The following UQCRFS1 variants were observed in gnomAD, a reference collection of about 807,000 sequenced individuals.
UQCRFS1 encodes the protein ubiquinol-cytochrome c reductase, Rieske iron-sulfur polypeptide 1, also known as cytochrome b-c1 complex subunit Rieske, mitochondrial.
UQCRFS1 carries 6 observed loss-of-function variants against 15.6 expected under a neutral mutation model. That is an observed-to-expected ratio of 0.38 (90% CI 0.21 to 0.76). The LOEUF is 0.76. Ranked by LOEUF, UQCRFS1 falls within the 30% of genes least tolerant of loss-of-function variation. UQCRFS1 has a pLI of 0.44. For synonymous variants in UQCRFS1, 105 were observed against 154.3 expected, an observed-to-expected ratio of 0.68 and a Z score of 2.37; for missense variants, 203 against 366.7, an observed-to-expected ratio of 0.55 and a Z score of 3.65.
rs752190748 is a variant in UQCRFS1, at chr19:29,207,199, G to A, written c.*349C>T. The stretch of plus-strand genomic sequence containing the variant: ...CCAACAATGACCGTGCAGAATCTGC[G>A]TCCCTGACGCAAAGCAGGAAGCAAA... On this transcript the variant is annotated 3_prime_UTR_variant, in exon 2 of 2. Transcript: ENST00000304863. The A allele has an allele frequency of 7.7e-5, 15 of 193,906 alleles. No individual in the cohort carries two copies. Among genetic ancestry groups the A allele is most frequent in the African/African-American group, 2.4e-4 (10 of 42,310 alleles). The allele number at this position is 193,906 out of a possible 1,614,324, so 12.0% of individuals were successfully genotyped here.
In UQCRFS1 at chr19:29,207,360, G is replaced by A; in HGVS notation, c.*188C>T. The A allele has an allele frequency of 1.3e-6, 1 of 759,976 alleles. No individual in the cohort carries two copies. The highest frequency in any genetic ancestry group is 2.1e-6 in the Non-Finnish European group (1 of 485,004). The allele number at this position is 759,976 out of a possible 1,614,324, so 47.1% of individuals were successfully genotyped here. A position where few individuals can be genotyped will look rare whatever the true frequency, so the allele number is the denominator to read the frequency against. On this transcript the variant is annotated 3_prime_UTR_variant, in exon 2 of 2. Transcript: ENST00000304863. Reference sequence around the variant, plus strand: ...ACTGAGCATAACAGTGCTTAACAGTGTCTTTATTAAGTGAATGCCTGAAAG... The same window carrying A: ...ACTGAGCATAACAGTGCTTAACAGTATCTTTATTAAGTGAATGCCTGAAAG...
chr19:29,212,562 T>C (rs1484244216), intron 1 of UQCRFS1, among the ~76,000 whole-genome samples: 1 of 152,138 alleles, frequency 6.6e-6, no homozygotes, highest in Admixed American at 6.5e-5. Flanking sequence ...CCCTACAAAA[T>C]TGATAAAGAT....
At chr19:29,211,708 G>A (rs1283676134) in intron 1 of UQCRFS1, among the ~76,000 whole-genome samples, 1 of 152,114 alleles carries the variant, frequency 6.6e-6, no homozygotes, top group Non-Finnish European at 1.5e-5. Context: ...TGAAAAGATG[G>A]GTAAGGAAAA....
At chr19:29,210,517 C>G (rs191871645) in intron 1 of UQCRFS1, among the ~76,000 whole-genome samples, 2 of 123,562 alleles carry the variant, frequency 1.6e-5, no homozygotes, top group African/African-American at 3.0e-5. Flanking sequence ...CCCCTCCCCC[C>G]ACCCCACAAC....
Position 29,213,145 on chromosome 19 carries a change from C to A in UQCRFS1, c.-27G>T. 6.6e-7 allele frequency: 1 copy of A among 1,519,182 alleles called. No individual in the cohort carries two copies. Among genetic ancestry groups the A allele is most frequent in the Non-Finnish European group, 8.8e-7 (1 of 1,139,028 alleles). 94.1% of individuals were successfully genotyped at this position (1,519,182 alleles called of 1,614,324 possible). On this transcript the variant is annotated 5_prime_UTR_variant, in exon 1 of 2. Transcript: ENST00000304863. ...GCGACAGCCGCTCCAACCGCCAAGC[C>A]GGTCACAGGGACGACCTTCCAACCA...
rs538815372 is a variant in UQCRFS1 at position 29,209,857 on chromosome 19, C to T, written c.215-1699G>A. Among the ~76,000 whole-genome samples the T allele has an allele frequency of 3.3e-5, 5 of 152,282 alleles. No homozygotes were observed. In the South Asian group the frequency reaches 1.0e-3, roughly 32 times the overall value. Reference sequence around the variant, plus strand: ...TGTACAAGAAAACTCAATAAAATGGCTTTGCCCTTCTCATTCAGAGATTTG... The same window carrying T: ...TGTACAAGAAAACTCAATAAAATGGTTTTGCCCTTCTCATTCAGAGATTTG... On this transcript the variant is annotated intron_variant, in intron 1 of 1. Transcript: ENST00000304863.
rs928336103 is a variant in UQCRFS1, at chr19:29,207,149, G to C, written c.*399C>G. On this transcript the variant is annotated 3_prime_UTR_variant, in exon 2 of 2. Transcript: ENST00000304863. ...TTTCTGTCAATGCCATAGACACTTAGATGACCCGTTAATTTTACTTCATCC... is the reference window on the plus strand; with the variant it reads ...TTTCTGTCAATGCCATAGACACTTACATGACCCGTTAATTTTACTTCATCC... The C allele has an allele frequency of 1.1e-5, 2 of 182,646 alleles. No homozygotes were observed. The highest frequency in any genetic ancestry group is 4.8e-5 in the African/African-American group (2 of 41,764). 11.3% of individuals were successfully genotyped at this position (182,646 alleles called of 1,614,324 possible). A position where few individuals can be genotyped will look rare whatever the true frequency, so the allele number is the denominator to read the frequency against.
rs751477940 is a variant in UQCRFS1 at position 29,213,146 on chromosome 19, G to A, written c.-28C>T. 7.9e-6 allele frequency: 12 copies of A among 1,517,998 alleles called. No homozygotes were observed. Among genetic ancestry groups the A allele is most frequent in the African/African-American group, 4.3e-5 (3 of 70,522 alleles). The allele number at this position is 1,517,998 out of a possible 1,614,324, so 94.0% of individuals were successfully genotyped here. On this transcript the variant is annotated 5_prime_UTR_variant, in exon 1 of 2. Transcript: ENST00000304863. ...CGACAGCCGCTCCAACCGCCAAGCCGGTCACAGGGACGACCTTCCAACCAC... is the reference window on the plus strand; with the variant it reads ...CGACAGCCGCTCCAACCGCCAAGCCAGTCACAGGGACGACCTTCCAACCAC...
At chr19:29,210,335 T>C (rs1301854263) in intron 1 of UQCRFS1, among the ~76,000 whole-genome samples, 8 of 147,944 alleles carry the variant, frequency 5.4e-5, no homozygotes, top group Admixed American at 4.1e-4. Context: ...TTTCTAAAAA[T>C]AGTTTCTCTA....
In UQCRFS1 at chr19:29,208,162, C is replaced by A. The variant is rs1976611784; in HGVS notation, c.215-4G>T. ...GAATAACAAACAGAAGCAGGGACTG[C>A]AAGACAAACAGAAGGTTAAAAAACA... On this transcript the variant is annotated splice_region_variant and splice_polypyrimidine_tract_variant and intron_variant, in intron 1 of 1. Coordinates refer to ENST00000304863, the MANE Select transcript of UQCRFS1 (RefSeq NM_006003.3). The A allele has an allele frequency of 1.2e-6, 2 of 1,601,112 alleles. No individual in the cohort carries two copies. Among genetic ancestry groups the A allele is most frequent in the Non-Finnish European group, 8.5e-7 (1 of 1,175,140 alleles).
chr19:29,212,966 G>A lies in UQCRFS1; in HGVS notation c.153C>T (p.Ser51=). The change falls in exon 1 of 2, where the codon AGC becomes AGT. Residue 51 remains serine (S), a synonymous_variant. Transcript: ENST00000304863. ...PVLDLKRPFL[S]RESLSGQAVR... ...CGGCCTGGCCGCTCAGCGACTCCCGGCTGAGGAAGGGCCGCTTCAGGTCCA... is the reference window on the plus strand; with the variant it reads ...CGGCCTGGCCGCTCAGCGACTCCCGACTGAGGAAGGGCCGCTTCAGGTCCA... 4.3e-6 allele frequency: 6 copies of A among 1,401,090 alleles called. No homozygotes were observed. The highest frequency in any genetic ancestry group is 3.1e-5 in the African/African-American group (2 of 65,542). The allele number at this position is 1,401,090 out of a possible 1,614,324, so 86.8% of individuals were successfully genotyped here. A position where few individuals can be genotyped will look rare whatever the true frequency, so the allele number is the denominator to read the frequency against.
chr19:29,210,415 G>A (rs975105593), intron 1 of UQCRFS1, among the ~76,000 whole-genome samples: 29 of 151,876 alleles, frequency 1.9e-4, no homozygotes, highest in Middle Eastern at 3.4e-3. Context: ...CAATGTGCAG[G>A]TTAGTTACAT....
chr19:29,209,725 T>C (rs1976625311), intron 1 of UQCRFS1, among the ~76,000 whole-genome samples: 1 of 152,182 alleles, frequency 6.6e-6, no homozygotes, highest in South Asian at 2.1e-4. Flanking sequence ...TAGCACTACC[T>C]GGGATTACAG....
At chr19:29,210,778 G>A (rs1473451097) in intron 1 of UQCRFS1, among the ~76,000 whole-genome samples, 7 of 152,104 alleles carry the variant, frequency 4.6e-5, no homozygotes, top group Non-Finnish European at 1.0e-4. Context: ...ATTTGGATTG[G>A]TTCCAAGTCT....
At chr19:29,208,849 C>A (rs1045040534) in intron 1 of UQCRFS1, among the ~76,000 whole-genome samples, 9 of 151,860 alleles carry the variant, frequency 5.9e-5, no homozygotes, top group Admixed American at 2.6e-4. Flanking sequence ...TCAGAGCTCT[C>A]AAAATAAAAT....
Position 29,208,049 on chromosome 19 carries a change from C to T in UQCRFS1, c.324G>A (p.Glu108=), listed in dbSNP as rs752032823. The T allele has an allele frequency of 2.5e-6, 4 of 1,613,938 alleles. No individual in the cohort carries two copies. Among genetic ancestry groups the T allele is most frequent in the Non-Finnish European group, 3.4e-6 (4 of 1,179,910 alleles). Residue 108 remains glutamate (E), a synonymous_variant, in exon 2 of 2, where the codon GAG becomes GAA. Coordinates refer to ENST00000304863, the MANE Select transcript of UQCRFS1 (RefSeq NM_006003.3). ...CCAAATAGGAGAAACCTTTCCTAGC[C>T]TCGCTGCTTTCTCTTGAAGACTTCG... The part of the protein sequence containing the change: ...DSTKSSRESS[E]ARKGFSYLVT...
In UQCRFS1 at chr19:29,205,588, T is replaced by C. The variant is rs1976585255; in HGVS notation, c.*1960A>G. The C allele has an allele frequency of 6.6e-6, 1 of 152,228 alleles. No homozygotes were observed. Among genetic ancestry groups the C allele is most frequent in the South Asian group, 2.1e-4 (1 of 4,834 alleles). 9.4% of individuals were successfully genotyped at this position (152,228 alleles called of 1,614,324 possible). ...CTTTTTAAAGCATAATGAAAACACT[T>C]GGCTCTCAAGATTGTCCCAAGAATT... On this transcript the variant is annotated 3_prime_UTR_variant, in exon 2 of 2. Coordinates refer to ENST00000304863, the MANE Select transcript of UQCRFS1 (RefSeq NM_006003.3).
chr19:29,206,295 G>A lies in UQCRFS1; in HGVS notation c.*1253C>T, dbSNP rs1361634959. 1 of 152,196 alleles carries A rather than the reference G, an allele frequency of 6.6e-6. No homozygotes were observed. The highest frequency in any genetic ancestry group is 1.5e-5 in the Non-Finnish European group (1 of 68,046). 9.4% of individuals were successfully genotyped at this position (152,196 alleles called of 1,614,324 possible). On this transcript the variant is annotated 3_prime_UTR_variant, in exon 2 of 2. Transcript: ENST00000304863. Reference sequence around the variant, plus strand: ...ATCTACTCATAAGCATAGAAAGTTTGACATTTTCTTTTTTCTGTCAACACC... The same window carrying A: ...ATCTACTCATAAGCATAGAAAGTTTAACATTTTCTTTTTTCTGTCAACACC...
At chr19:29,211,283 T>C (rs1054768233) in intron 1 of UQCRFS1, among the ~76,000 whole-genome samples, 1 of 152,062 alleles carries the variant, frequency 6.6e-6, no homozygotes, top group African/African-American at 2.4e-5. Flanking sequence ...GAAAAAATGC[T>C]CAGCATCACT....
Sources: allele counts gnomAD v4.1 joint callset (sites outside exome capture counted in the v4.1 genomes callset), GRCh38; gene constraint gnomAD v4.1.1; transcripts MANE v1.5; gene names NCBI Gene and HGNC (gene_info 2026-07-23, HGNC 2026-07-21).